The following FHOD3 variants were observed in gnomAD, a reference collection of about 807,000 sequenced individuals.
The protein encoded by FHOD3 is FH1/FH2 domain-containing protein 3.
FHOD3 carries 90 observed loss-of-function variants against 173.0 expected under a neutral mutation model. The ratio of observed to expected loss-of-function variants is 0.52; its 90% CI spans 0.44 to 0.62. The LOEUF (loss-of-function observed/expected upper bound fraction) is 0.62. Ranked by LOEUF, FHOD3 falls within the 20% of genes least tolerant of loss-of-function variation. The probability of loss-of-function intolerance (pLI) is 0.00; values close to 1 mark genes in which losing one functional copy is unlikely to be tolerated. For missense variants in FHOD3, 1,945 were observed against 2,034.7 expected (o/e 0.96, Z 0.85); for synonymous variants, 828 against 823.0 (o/e 1.01, Z -0.10).
chr18:36,530,097 C>T (rs2056718407), intron 5 of FHOD3, among the ~76,000 whole-genome samples: 1 of 152,174 alleles, frequency 6.6e-6, no homozygotes, highest in South Asian at 2.1e-4. Context: ...ACTATGTATA[C>T]TCTCATCTGT....
At chr18:36,466,030 C>T (rs1452125549) in intron 3 of FHOD3, among the ~76,000 whole-genome samples, 1 of 152,060 alleles carries the variant, frequency 6.6e-6, no homozygotes, top group African/African-American at 2.4e-5. Flanking sequence ...GCCCTTTTCC[C>T]CTCTCTGCCC....
chr18:36,546,209 C>T (rs919113758), intron 5 of FHOD3, among the ~76,000 whole-genome samples: 1 of 152,152 alleles, frequency 6.6e-6, no homozygotes, highest in Admixed American at 6.5e-5. Context: ...TTCTGGCAAC[C>T]CTCTGTTTTC....
At chr18:36,308,256 T>C (rs1291270132) in intron 1 of FHOD3, among the ~76,000 whole-genome samples, 1 of 152,236 alleles carries the variant, frequency 6.6e-6, no homozygotes, top group African/African-American at 2.4e-5. Context: ...AGACGAATTC[T>C]CAATGTTTAG....
intron 16 of FHOD3, among the ~76,000 whole-genome samples, chr18:36,690,732 T>TA (rs11393054): frequency 0.47 from 70,108 of 150,006 alleles, 16,430 homozygotes; most frequent in East Asian, 0.67. Flanking sequence ...CCCCGCCATA[T>TA]AAAAAAAAAA....
intron 1 of FHOD3, among the ~76,000 whole-genome samples, chr18:36,342,837 A>G (rs2045690746): frequency 6.6e-6 from 1 of 152,340 alleles, no homozygotes. Context: ...AAAGACCAAT[A>G]GCACAATTTT....
At chr18:36,597,543 C>T (rs1338804534) in intron 7 of FHOD3, among the ~76,000 whole-genome samples, 1 of 152,178 alleles carries the variant, frequency 6.6e-6, no homozygotes, top group African/African-American at 2.4e-5. Flanking sequence ...TCTCCTGCCT[C>T]AGCCTCCCGA....
At chr18:36,357,956 G>A (rs2046440025) in intron 2 of FHOD3, among the ~76,000 whole-genome samples, 2 of 151,964 alleles carry the variant, frequency 1.3e-5, no homozygotes, top group South Asian at 4.2e-4. Flanking sequence ...AGAATAAAGG[G>A]TGTGGGAGAA....
chr18:36,309,415 T>C (rs2092193172), intron 1 of FHOD3, among the ~76,000 whole-genome samples: 1 of 152,210 alleles, frequency 6.6e-6, no homozygotes, highest in Non-Finnish European at 1.5e-5. Context: ...ACTGCCCTTC[T>C]TGCCAAACAC....
At chr18:36,363,712 T>G (rs7244972) in intron 2 of FHOD3, among the ~76,000 whole-genome samples, 82,225 of 151,980 alleles carry the variant, frequency 0.54, 23,908 homozygotes, top group African/African-American at 0.74. Context: ...TGCTCTGTAT[T>G]TTATTGTAAT....
chr18:36,702,857 G>C (rs2039666826), intron 17 of FHOD3, among the ~76,000 whole-genome samples: 1 of 124,420 alleles, frequency 8.0e-6, no homozygotes, highest in South Asian at 2.8e-4. Context: ...CTTAATTCCA[G>C]GAATGATTAT....
At chr18:36,441,675 G>A (rs1352070479) in intron 3 of FHOD3, among the ~76,000 whole-genome samples, 1 of 152,216 alleles carries the variant, frequency 6.6e-6, no homozygotes, top group Non-Finnish European at 1.5e-5. Flanking sequence ...TTACAGGGAA[G>A]CTTCGCACAA....
intron 25 of FHOD3, among the ~76,000 whole-genome samples, chr18:36,758,364 CT>C (rs758829337): frequency 5.9e-5 from 9 of 152,164 alleles, no homozygotes; most frequent in Non-Finnish European, 1.0e-4. Context: ...TGACTTTTCA[CT>C]CTCAATTTAT....
intron 3 of FHOD3, among the ~76,000 whole-genome samples, chr18:36,401,696 A>T (rs1733849083): frequency 6.6e-6 from 1 of 152,200 alleles, no homozygotes; most frequent in South Asian, 2.1e-4. Flanking sequence ...TGGGAGGATT[A>T]GATGGAATCA....
chr18:36,625,638 G>A lies in FHOD3; in HGVS notation c.1085G>A (p.Ser362Asn). The A allele has an allele frequency of 6.2e-7, 1 of 1,608,608 alleles. No homozygotes were observed. The highest frequency in any genetic ancestry group is 8.5e-7 in the Non-Finnish European group (1 of 1,176,788). Residue 362 changes from serine (S) to asparagine (N), a missense_variant, in exon 10 of 29, where the codon AGC becomes AAC. Physicochemically the swap from Ser to Asn is conservative, Grantham distance 46. Around this residue, in one of 5 missense-constraint regions of FHOD3, gnomAD observed 1,099 missense variants for 1,051.2 expected, o/e 1.05. Coordinates refer to ENST00000590592, the MANE Select transcript of FHOD3 (RefSeq NM_001281740.3). ...GEHRGLDRRR[S>N]RRHSVQSIKS... ...CACCGGGGCCTGGACCGCAGAAGGA[G>A]CCGCAGGCACTCGGTGCAGAGCATC...
intron 1 of FHOD3, among the ~76,000 whole-genome samples, chr18:36,300,839 A>G (rs997592511): frequency 6.6e-6 from 1 of 151,974 alleles, no homozygotes; most frequent in African/African-American, 2.4e-5. Context: ...CCCTGGGCTC[A>G]GGTGATCCCT....
chr18:36,627,046 G>C (rs1037706200), intron 10 of FHOD3, among the ~76,000 whole-genome samples: 2 of 152,174 alleles, frequency 1.3e-5, no homozygotes, highest in Admixed American at 1.3e-4. Flanking sequence ...GAGAGTCTGT[G>C]TACAGCTCTA....
intron 10 of FHOD3, among the ~76,000 whole-genome samples, chr18:36,629,118 C>A (rs2034322272): frequency 6.6e-6 from 1 of 152,176 alleles, no homozygotes; most frequent in South Asian, 2.1e-4. Context: ...ATGTTGACAA[C>A]TGGTTAGGGA....
At chr18:36,507,820 T>G (rs973792568) in intron 4 of FHOD3, among the ~76,000 whole-genome samples, 4 of 152,250 alleles carry the variant, frequency 2.6e-5, no homozygotes, top group Admixed American at 6.5e-5. Context: ...CCAACTGCAG[T>G]TGGGCTAGAC....
rs149170398 is a variant in FHOD3, at chr18:36,420,538, G to T, written c.337+47794G>T. 1.7e-3 allele frequency among the ~76,000 whole-genome samples: 259 copies of T among 152,340 alleles called. 1 individual carries two copies. The highest frequency in any genetic ancestry group is 5.7e-3 in the African/African-American group (237 of 41,576). ...AGATATGAGGATCTTATATAAGCTA[G>T]TAGTTTTGCATATGGCTAGCCCTTG... On this transcript the variant is annotated intron_variant, in intron 3 of 28. Coordinates refer to ENST00000590592, the MANE Select transcript of FHOD3 (RefSeq NM_001281740.3).
Sources: gnomAD v4.1 joint callset for allele counts (sites outside exome capture counted in the v4.1 genomes callset) on GRCh38, gnomAD v4.1.1 for gene constraint, gnomAD v4.1.1 regional missense constraint, MANE v1.5 for transcripts, NCBI Gene and HGNC (gene_info 2026-07-23, HGNC 2026-07-21) for gene names.